The following NELL1 variants were observed in gnomAD, a reference collection of about 807,000 sequenced individuals.
The protein encoded by NELL1 is protein kinase C-binding protein NELL1.
A neutral mutation model predicts 107.4 loss-of-function variants in NELL1; 76 were observed. The ratio of observed to expected loss-of-function variants is 0.71; its 90% CI spans 0.59 to 0.86. The LOEUF (loss-of-function observed/expected upper bound fraction) is 0.86, where lower values mean the gene tolerates loss of function less well. NELL1 is among the 40% of genes least tolerant of loss of function. The pLI, the probability that NELL1 is intolerant of heterozygous loss-of-function variation, is 0.00. For synonymous variants in NELL1, 353 were observed against 341.2 expected (o/e 1.03, Z -0.38); for missense variants, 1,024 against 1,005.5 (o/e 1.02, Z -0.25).
At chr11:20,721,942 C>G (rs1428473389) in intron 2 of NELL1, among the ~76,000 whole-genome samples, 3 of 151,894 alleles carry the variant, frequency 2.0e-5, no homozygotes, top group Admixed American at 6.6e-5. Context: ...GCTTTGTATT[C>G]CAGGACTTCA....
intron 7 of NELL1, among the ~76,000 whole-genome samples, chr11:20,922,555 G>A: frequency 6.6e-6 from 1 of 151,848 alleles, no homozygotes; most frequent in Non-Finnish European, 1.5e-5. Context: ...GAATTCTATG[G>A]CACTAAATTT....
chr11:21,503,386 G>T (rs534146443), intron 15 of NELL1, among the ~76,000 whole-genome samples: 1 of 152,068 alleles, frequency 6.6e-6, no homozygotes, highest in African/African-American at 2.4e-5. Context: ...ATGTTAAGAC[G>T]CGCTAGGACA....
chr11:21,504,269 C>T (rs1241476731), intron 15 of NELL1: 1 of 152,130 alleles, frequency 6.6e-6, no homozygotes, highest in Non-Finnish European at 1.5e-5. Context: ...CATGATAATA[C>T]CTTATATTTG....
At chr11:21,541,147 A>G (rs1293747427) in intron 16 of NELL1, among the ~76,000 whole-genome samples, 1 of 152,124 alleles carries the variant, frequency 6.6e-6, no homozygotes, top group African/African-American at 2.4e-5. Context: ...ATCATATAAA[A>G]TGTTTCATTC....
intron 14 of NELL1, among the ~76,000 whole-genome samples, chr11:21,234,300 C>T (rs1416232102): frequency 1.3e-5 from 2 of 152,126 alleles, no homozygotes; most frequent in Admixed American, 6.5e-5. Context: ...CTTCTCCTGT[C>T]GTGGAGTTTT....
At position 21,076,506 on chromosome 11, in the gene NELL1, A is replaced by T. The variant is rs186836822; in HGVS notation, c.1301-37083A>T. On this transcript the variant is annotated intron_variant, in intron 12 of 19. Coordinates refer to ENST00000357134, the MANE Select transcript of NELL1 (RefSeq NM_006157.5). ...AGTTAAACTCTCTCAGTTTCCTAGG[A>T]CAAAAATCCTTCTCAGACTCACAGA... Among the ~76,000 whole-genome samples, 3 of 152,326 alleles carry T rather than the reference A, an allele frequency of 2.0e-5. No homozygotes were observed. In the East Asian group the frequency reaches 5.8e-4, roughly 29 times the overall value.
intron 15 of NELL1, among the ~76,000 whole-genome samples, chr11:21,377,487 C>A (rs563970405): frequency 1.8e-4 from 27 of 152,116 alleles, no homozygotes; most frequent in Non-Finnish European, 3.4e-4. Flanking sequence ...GTTCATCAGG[C>A]ACAATGGCCT....
chr11:21,124,817 T>G (rs1855453375), intron 13 of NELL1, among the ~76,000 whole-genome samples: 1 of 152,004 alleles, frequency 6.6e-6, no homozygotes, highest in Admixed American at 6.6e-5. Flanking sequence ...GTCAGGTTGG[T>G]CTTGAACTCC....
At chr11:21,161,234 G>A (rs1856361551) in intron 13 of NELL1, among the ~76,000 whole-genome samples, 1 of 151,970 alleles carries the variant, frequency 6.6e-6, no homozygotes, top group Admixed American at 6.6e-5. Flanking sequence ...TCATTTCTCT[G>A]TCATTTAGAA....
At chr11:21,359,820 G>T (rs1307537857) in intron 14 of NELL1, among the ~76,000 whole-genome samples, 2 of 151,890 alleles carry the variant, frequency 1.3e-5, no homozygotes, top group Non-Finnish European at 2.9e-5. Flanking sequence ...GTATTTCTGT[G>T]GTATCGTCGT....
chr11:21,434,225 G>A (rs2133837258), intron 15 of NELL1, among the ~76,000 whole-genome samples: 1 of 152,084 alleles, frequency 6.6e-6, no homozygotes, highest in Admixed American at 6.5e-5. Flanking sequence ...TTTTGTTTTT[G>A]TTGCCTGTAC....
At chr11:21,321,713 G>A (rs147720643) in intron 14 of NELL1, among the ~76,000 whole-genome samples, 1 of 152,194 alleles carries the variant, frequency 6.6e-6, no homozygotes, top group Non-Finnish European at 1.5e-5. Flanking sequence ...ACTTGTCCAG[G>A]CCACACAGCT....
intron 14 of NELL1, among the ~76,000 whole-genome samples, chr11:21,235,282 G>T (rs1858176716): frequency 6.6e-6 from 1 of 152,104 alleles, no homozygotes; most frequent in South Asian, 2.1e-4. Flanking sequence ...AAAACGGGAG[G>T]ATTGTAAGCA....
intron 12 of NELL1, among the ~76,000 whole-genome samples, chr11:21,020,025 C>A (rs1157797819): frequency 6.6e-6 from 1 of 152,100 alleles, no homozygotes; most frequent in African/African-American, 2.4e-5. Context: ...CTGTCATTTA[C>A]TAGCTATGTG....
intron 15 of NELL1, among the ~76,000 whole-genome samples, chr11:21,388,079 GT>G (rs34490004): frequency 0.51 from 74,758 of 147,374 alleles, 18,773 homozygotes; most frequent in South Asian, 0.58. Context: ...AAAATTCTAT[GT>G]TTTTTTTTTT....
intron 13 of NELL1, among the ~76,000 whole-genome samples, chr11:21,138,098 A>AAATCTGGGTT (rs1483374487): frequency 6.6e-6 from 1 of 152,136 alleles, no homozygotes; most frequent in Non-Finnish European, 1.5e-5. Flanking sequence ...TTGTGCAGCT[A>AAATCTGGGTT]AATCTGGGTT....
At chr11:21,261,045 C>T (rs1848519367) in intron 14 of NELL1, among the ~76,000 whole-genome samples, 1 of 151,858 alleles carries the variant, frequency 6.6e-6, no homozygotes, top group East Asian at 1.9e-4. Context: ...AGTAAGTGAT[C>T]ATAGTTAGCA....
chr11:20,776,232 G>C (rs1856747169), intron 2 of NELL1, among the ~76,000 whole-genome samples: 1 of 152,138 alleles, frequency 6.6e-6, no homozygotes, highest in East Asian at 1.9e-4. Flanking sequence ...GAGCCCAGGA[G>C]TTCAAGACCA....
intron 2 of NELL1, among the ~76,000 whole-genome samples, chr11:20,694,531 C>T (rs931723839): frequency 3.9e-5 from 6 of 151,916 alleles, no homozygotes; most frequent in African/African-American, 1.4e-4. Flanking sequence ...GGGTCCTTTC[C>T]CCATCACTTA....
Sources: allele counts gnomAD v4.1 joint callset (sites outside exome capture counted in the v4.1 genomes callset), GRCh38; gene constraint gnomAD v4.1.1; transcripts MANE v1.5; gene names NCBI Gene and HGNC (gene_info 2026-07-23, HGNC 2026-07-21).